The following GRM5 variants were observed in gnomAD, a reference collection of about 807,000 sequenced individuals.
The protein encoded by GRM5 is glutamate metabotropic receptor 5.
A neutral mutation model predicts 83.1 loss-of-function variants in GRM5; 19 were observed. The ratio of observed to expected loss-of-function variants is 0.23; its 90% CI spans 0.16 to 0.34. GRM5 has a LOEUF of 0.34. Ranked by LOEUF, GRM5 falls within the 10% of genes least tolerant of loss-of-function variation. The pLI, the probability that GRM5 is intolerant of heterozygous loss-of-function variation, is 1.00. For synonymous variants in GRM5, 675 were observed against 633.6 expected, an observed-to-expected ratio of 1.07 and a Z score of -0.98; for missense variants, 1,160 against 1,588.3, an observed-to-expected ratio of 0.73 and a Z score of 4.58.
At chr11:89,017,887 G>T (rs1940898036) in intron 2 of GRM5, among the ~76,000 whole-genome samples, 2 of 152,058 alleles carry the variant, frequency 1.3e-5, no homozygotes, top group Admixed American at 1.3e-4. Context: ...TAAAAGTCTA[G>T]GTCAATATGC....
At chr11:89,064,882 CTCTCTCTGTGTGTGTG>C (rs1942064548) in intron 1 of GRM5, among the ~76,000 whole-genome samples, 2 of 61,220 alleles carry the variant, frequency 3.3e-5, no homozygotes, top group African/African-American at 6.1e-5. Context: ...CTCTCTCTCT[CTCTCTCTGTGTGTGTG>C]TGTGTGTGTG....
At chr11:88,512,769 A>G (rs1941413126) in intron 9 of GRM5, among the ~76,000 whole-genome samples, 1 of 152,240 alleles carries the variant, frequency 6.6e-6, no homozygotes, top group African/African-American at 2.4e-5. Flanking sequence ...GCTGGTAAAG[A>G]GAAGGTGTCT....
intron 2 of GRM5, among the ~76,000 whole-genome samples, chr11:88,918,744 G>T (rs1260318538): frequency 2.9e-5 from 3 of 103,986 alleles, no homozygotes; most frequent in African/African-American, 9.4e-5. Context: ...AAGTTAAAGA[G>T]CAAGAAGTAT....
chr11:89,024,439 T>C (rs181680745), intron 2 of GRM5, among the ~76,000 whole-genome samples: 1 of 152,294 alleles, frequency 6.6e-6, no homozygotes, highest in Admixed American at 6.5e-5. Flanking sequence ...CAAAAATAAT[T>C]CTGATCATCT....
intron 3 of GRM5, among the ~76,000 whole-genome samples, chr11:88,710,925 A>T (rs1941267526): frequency 6.6e-6 from 1 of 152,128 alleles, no homozygotes; most frequent in African/African-American, 2.4e-5. Flanking sequence ...AGGAATGCTC[A>T]TCATTTAGTG....
intron 3 of GRM5, among the ~76,000 whole-genome samples, chr11:88,829,865 C>A (rs1218951168): frequency 1.3e-5 from 2 of 151,838 alleles, no homozygotes; most frequent in Admixed American, 1.3e-4. Flanking sequence ...CAAAAAACGG[C>A]AAATTTAGCA....
At chr11:88,561,218 T>C (rs909613835) in intron 8 of GRM5, among the ~76,000 whole-genome samples, 4 of 152,164 alleles carry the variant, frequency 2.6e-5, no homozygotes, top group African/African-American at 9.7e-5. Flanking sequence ...ATTCGGCCAA[T>C]GAATGTGGGG....
chr11:88,886,620 G>C (rs981615040), intron 2 of GRM5, among the ~76,000 whole-genome samples: 7 of 152,072 alleles, frequency 4.6e-5, no homozygotes, highest in Non-Finnish European at 1.0e-4. Flanking sequence ...AAGAAGTCCT[G>C]GTGTACCTGA....
intron 3 of GRM5, among the ~76,000 whole-genome samples, chr11:88,665,404 G>T (rs1474988044): frequency 1.3e-5 from 2 of 152,030 alleles, no homozygotes; most frequent in African/African-American, 4.8e-5. Context: ...CACAGAATGG[G>T]CTCATTTCCA....
intron 4 of GRM5, among the ~76,000 whole-genome samples, chr11:88,620,779 T>A (rs1020914236): frequency 1.9e-4 from 29 of 152,336 alleles, no homozygotes; most frequent in African/African-American, 7.0e-4. Flanking sequence ...AACCCAGAGC[T>A]GTATCCACAT....
intron 2 of GRM5, among the ~76,000 whole-genome samples, chr11:88,916,994 A>G (rs1452070963): frequency 6.6e-6 from 1 of 152,128 alleles, no homozygotes; most frequent in Admixed American, 6.5e-5. Context: ...AATATACAGC[A>G]GCCATAGCCA....
At chr11:89,044,037 G>A (rs1276750460) in intron 2 of GRM5, among the ~76,000 whole-genome samples, 4 of 152,170 alleles carry the variant, frequency 2.6e-5, no homozygotes, top group Admixed American at 6.6e-5. Flanking sequence ...ATTAGTAGAC[G>A]TCATCAATGC....
Position 88,645,036 on chromosome 11 carries a change from G to A in GRM5, c.1147+8132C>T, listed in dbSNP as rs764548885. ...CAAAAACCACAATGGTACATGAATT[G>A]TTAAGATAAACACACCCTGATAACC... is the stretch of plus-strand genomic sequence containing the variant. On this transcript the variant is annotated intron_variant, in intron 4 of 9. Coordinates refer to ENST00000305447, the MANE Select transcript of GRM5 (RefSeq NM_001143831.3). 6.7e-4 allele frequency among the ~76,000 whole-genome samples: 102 copies of A among 152,250 alleles called. 3 individuals are homozygous for A. Among genetic ancestry groups the A allele is most frequent in the Middle Eastern group, 3.4e-3 (1 of 294 alleles).
rs115375671 is a variant in GRM5, at chr11:88,519,310, T to C, written c.2726+5999A>G. Among the ~76,000 whole-genome samples, 355 of 152,138 alleles carry C rather than the reference T, an allele frequency of 2.3e-3. 1 individual carries two copies. The highest frequency in any genetic ancestry group is 8.1e-3 in the African/African-American group (337 of 41,522). On this transcript the variant is annotated intron_variant, in intron 9 of 9. Coordinates refer to ENST00000305447, the MANE Select transcript of GRM5 (RefSeq NM_001143831.3). ...GTTAGCATGTTTGGAGACTTGTATATCTGGGATGTCTGGAAAGGAGAACAT... is the reference window on the plus strand; with the variant it reads ...GTTAGCATGTTTGGAGACTTGTATACCTGGGATGTCTGGAAAGGAGAACAT...
Position 88,558,799 on chromosome 11 carries a change from C to CAAA in GRM5, c.2630+8251_2630+8253dup, listed in dbSNP as rs71265014. Among the ~76,000 whole-genome samples, 31 of 21,914 alleles carry CAAA rather than the reference C, an allele frequency of 1.4e-3. 1 individual carries two copies. Among genetic ancestry groups the CAAA allele is most frequent in the Middle Eastern group, 0.033 (1 of 30 alleles). 14.4% of individuals were successfully genotyped at this position (21,914 alleles called of 152,430 possible). On this transcript the variant is annotated intron_variant, in intron 8 of 9. Transcript: ENST00000305447. ...CTGGCAACAGAGTGAGACTCCATCT[C>CAAA]AAAAAAAAAAAAAAAAAAAAAAAAA...
At chr11:88,721,856 T>A (rs556313308) in intron 3 of GRM5, among the ~76,000 whole-genome samples, 2 of 152,264 alleles carry the variant, frequency 1.3e-5, no homozygotes, top group Admixed American at 6.5e-5. Flanking sequence ...AAGACAGCTT[T>A]TGTTCTCCAC....
At chr11:88,802,337 T>C (rs995837575) in intron 3 of GRM5, among the ~76,000 whole-genome samples, 10 of 152,174 alleles carry the variant, frequency 6.6e-5, no homozygotes, top group African/African-American at 1.7e-4. Flanking sequence ...ATACTATTTA[T>C]AGTGTATACA....
intron 3 of GRM5, among the ~76,000 whole-genome samples, chr11:88,684,909 C>T (rs1031536065): frequency 9.2e-5 from 14 of 152,176 alleles, no homozygotes; most frequent in Non-Finnish European, 1.9e-4. Context: ...AATTAAAACT[C>T]TTTTTCTTCC....
intron 1 of GRM5, among the ~76,000 whole-genome samples, chr11:89,048,616 C>T (rs1348994800): frequency 6.6e-6 from 1 of 152,108 alleles, no homozygotes; most frequent in East Asian, 1.9e-4. Context: ...CAATGTCAAG[C>T]AAGTTGAATA....
Sources: gnomAD v4.1 joint callset for allele counts (sites outside exome capture counted in the v4.1 genomes callset) on GRCh38, gnomAD v4.1.1 for gene constraint, MANE v1.5 for transcripts, NCBI Gene and HGNC (gene_info 2026-07-23, HGNC 2026-07-21) for gene names.